TRPM1: variants seen among roughly 807,000 people sequenced by gnomAD.
TRPM1 encodes transient receptor potential cation channel subfamily M member 1, also known as TRPM1-203 APA Isoform, Intron 10.
Under a neutral mutation model 149.4 loss-of-function variants are expected in TRPM1, and 113 were observed. The ratio of observed to expected loss-of-function variants is 0.76; its 90% CI spans 0.65 to 0.88. The LOEUF (loss-of-function observed/expected upper bound fraction) is 0.88, where lower values mean the gene tolerates loss of function less well. Among genes scored for constraint, TRPM1 ranks in the 40% least tolerant of loss-of-function variants. The pLI, the probability that TRPM1 is intolerant of heterozygous loss-of-function variation, is 0.00. For missense variants in TRPM1, 1,976 were observed against 2,038.7 expected (o/e 0.97, Z 0.59); for synonymous variants, 741 against 759.5 (o/e 0.98, Z 0.40).
At chr15:31,098,326 G>A (rs576917855) in intron 1 of TRPM1, among the ~76,000 whole-genome samples, 41 of 152,270 alleles carry the variant, frequency 2.7e-4, no homozygotes, top group African/African-American at 8.9e-4. Context: ...TGTAATCCCA[G>A]CTAGTTGGCA....
chr15:31,070,567 C>T, intron 3 of TRPM1: 1 of 491,372 alleles, frequency 2.0e-6, no homozygotes, highest in South Asian at 1.7e-5. Context: ...TAGAGTTGAC[C>T]TTCCAGATTT....
intron 1 of TRPM1, among the ~76,000 whole-genome samples, chr15:31,136,749 C>CTTTT (rs60370849): frequency 0.2 from 27,130 of 137,284 alleles, 2,902 homozygotes; most frequent in Middle Eastern, 0.26. Context: ...CGCCCCCACC[C>CTTTT]TTTTTTTTTT....
chr15:31,072,050 G>T (rs866501453), intron 3 of TRPM1, among the ~76,000 whole-genome samples: 3 of 128,464 alleles, frequency 2.3e-5, no homozygotes, highest in South Asian at 2.5e-4. Flanking sequence ...GAGAGAGAGA[G>T]ATTAAATGGT....
intron 1 of TRPM1, among the ~76,000 whole-genome samples, chr15:31,118,194 G>A (rs545630054): frequency 6.6e-6 from 1 of 152,128 alleles, no homozygotes; most frequent in Non-Finnish European, 1.5e-5. Context: ...GGAGGCAGAG[G>A]TTGCAATGAG....
At chr15:31,106,141 C>CT (rs60137498), upstream of TRPM1, among the ~76,000 whole-genome samples, 238 of 139,882 alleles carry the variant, frequency 1.7e-3, 1 homozygote, top group East Asian at 6.9e-3. Context: ...TTTTTCTTTT[C>CT]TTTTTTTTTT....
At position 31,030,965 on chromosome 15, in the gene TRPM1, T is replaced by C. The variant is rs118146641; in HGVS notation, c.3127+18A>G. 3.0e-5 allele frequency: 48 copies of C among 1,614,014 alleles called. No homozygotes were observed. Among genetic ancestry groups the C allele is most frequent in the Non-Finnish European group, 4.0e-5 (47 of 1,179,844 alleles). On this transcript the variant is annotated intron_variant, in intron 23 of 27. Transcript: ENST00000256552. ...TCAGAAGCAGGGAAGAGAATCTTAC[T>C]ATGAATTCTACTCTTACGGTCTATC...
intron 15 of TRPM1, among the ~76,000 whole-genome samples, chr15:31,046,442 G>A (rs1438287248): frequency 6.6e-6 from 1 of 152,202 alleles, no homozygotes. Flanking sequence ...AGAAAGCTCA[G>A]CAGACGCGTG....
At chr15:31,103,803 A>G (rs2035560031), upstream of TRPM1, among the ~76,000 whole-genome samples, 2 of 133,952 alleles carry the variant, frequency 1.5e-5, no homozygotes, top group Non-Finnish European at 1.6e-5. Context: ...ACAGAGTGAG[A>G]CTCTGTATCC....
intron 24 of TRPM1, 55 bp downstream of exon 24, chr15:31,029,316 G>C: frequency 6.4e-7 from 1 of 1,567,528 alleles, no homozygotes; most frequent in Non-Finnish European, 8.8e-7. Context: ...CTAAGGAAAA[G>C]GTAATTGAAA....
intron 1 of TRPM1, among the ~76,000 whole-genome samples, chr15:31,112,910 C>T (rs945755183): frequency 3.9e-5 from 6 of 152,242 alleles, no homozygotes; most frequent in African/African-American, 1.4e-4. Context: ...GATCTTTTTT[C>T]TTCTGAAATA....
intron 18 of TRPM1, among the ~76,000 whole-genome samples, chr15:31,039,330 T>A (rs1368090680): frequency 1.3e-5 from 2 of 152,186 alleles, no homozygotes; most frequent in Non-Finnish European, 2.9e-5. Flanking sequence ...TTTATTAATA[T>A]CCTAAGTTAT....
rs1169527515 is a variant in TRPM1 at position 31,060,597 on chromosome 15, T to C, written c.1210A>G (p.Asn404Asp). Residue 404 changes from asparagine to aspartate, a missense_variant, in exon 11 of 28, where the codon AAC becomes GAC. Asn to Asp is a conservative substitution (Grantham distance 23). This residue lies in a region of TRPM1 where 1,332 missense variants were observed against 1,347.1 expected (regional missense o/e 0.99). Coordinates refer to ENST00000256552, the MANE Select transcript of TRPM1 (RefSeq NM_001252024.2). Reference sequence around the variant, plus strand: ...TGGCTTCGTGCTATGTCCACGCGGTTCCAAGCCAGTGCCAAGCTCAGCTGA... The same window carrying C: ...TGGCTTCGTGCTATGTCCACGCGGTCCCAAGCCAGTGCCAAGCTCAGCTGA... ...PDQLSLALAW[N>D]RVDIARSQIF... is the part of the protein sequence containing the mutation. The C allele has an allele frequency of 6.2e-7, 1 of 1,614,214 alleles. No individual in the cohort carries two copies. The highest frequency in any genetic ancestry group is 8.5e-7 in the Non-Finnish European group (1 of 1,180,040).
At position 31,086,501 on chromosome 15, in the gene TRPM1, C is replaced by T. The variant is rs368145839; in HGVS notation, c.-83-5063G>A. 5.4e-4 allele frequency among the ~76,000 whole-genome samples: 83 copies of T among 152,332 alleles called. 1 individual carries two copies. The highest frequency in any genetic ancestry group is 1.9e-3 in the African/African-American group (81 of 41,578). On this transcript the variant is annotated intron_variant, in intron 1 of 27. Coordinates refer to ENST00000256552, the MANE Select transcript of TRPM1 (RefSeq NM_001252024.2). The stretch of plus-strand genomic sequence containing the variant: ...CGGGCTTTTTGGCATCATGCTCTTT[C>T]GAGGGGTGGTGACCAGGGACATGAT...
At chr15:31,034,546 G>A (rs1474690845) in intron 21 of TRPM1, among the ~76,000 whole-genome samples, 1 of 152,222 alleles carries the variant, frequency 6.6e-6, no homozygotes, top group Non-Finnish European at 1.5e-5. Context: ...ACAGTGTCCA[G>A]TCCACTCAGA....
At chr15:31,033,096 T>C (rs2033170713) in intron 21 of TRPM1, 156 bp from the exon 22 acceptor site, 2 of 1,020,244 alleles carry the variant, frequency 2.0e-6, no homozygotes, top group African/African-American at 1.6e-5. Flanking sequence ...CAGGGAGAGA[T>C]ATCTAGAAAG....
chr15:31,147,203 A>T (rs1373471351), intron 1 of TRPM1, among the ~76,000 whole-genome samples: 1 of 152,232 alleles, frequency 6.6e-6, no homozygotes, highest in Non-Finnish European at 1.5e-5. Context: ...CACAGTCATC[A>T]CTGGATCCCC....
chr15:31,064,036 A>T (rs761051556), intron 7 of TRPM1, among the ~76,000 whole-genome samples: 53 of 152,254 alleles, frequency 3.5e-4, no homozygotes, highest in Non-Finnish European at 6.6e-4. Flanking sequence ...GGGAAATTGC[A>T]GTTCAATTCC....
intron 11 of TRPM1, among the ~76,000 whole-genome samples, chr15:31,058,484 A>G (rs532583032): frequency 6.6e-6 from 1 of 152,208 alleles, no homozygotes; most frequent in Non-Finnish European, 1.5e-5. Flanking sequence ...AATCACAACA[A>G]TGTCAAAGCT....
At chr15:31,121,157 C>T (rs753681511) in intron 1 of TRPM1, among the ~76,000 whole-genome samples, 1 of 132,828 alleles carries the variant, frequency 7.5e-6, no homozygotes, top group Non-Finnish European at 1.5e-5. Context: ...ACCCAGGAGG[C>T]AGATGTTGCA....
Sources: gnomAD v4.1 joint callset for allele counts (sites outside exome capture counted in the v4.1 genomes callset) on GRCh38, gnomAD v4.1.1 for gene constraint, gnomAD v4.1.1 regional missense constraint, MANE v1.5 for transcripts, NCBI Gene and HGNC (gene_info 2026-07-23, HGNC 2026-07-21) for gene names.